The following RIMS1 variants were observed in gnomAD, a reference collection of about 807,000 sequenced individuals.
RIMS1 encodes the protein regulating synaptic membrane exocytosis 1, also known as regulating synaptic membrane exocytosis protein 1.
A neutral mutation model predicts 214.1 loss-of-function variants in RIMS1; 83 were observed. The observed-to-expected ratio is 0.39, with a 90% CI of 0.32 to 0.47. The LOEUF is 0.47. Among genes scored for constraint, RIMS1 ranks in the 20% least tolerant of loss-of-function variants. The pLI is 0.99. For synonymous variants in RIMS1, 793 were observed against 786.8 expected (o/e 1.01, Z -0.13); for missense variants, 2,050 against 2,161.8 (o/e 0.95, Z 1.03).
chr6:72,185,382 C>T (rs975727325), intron 6 of RIMS1, among the ~76,000 whole-genome samples: 9 of 152,030 alleles, frequency 5.9e-5, no homozygotes, highest in African/African-American at 2.2e-4. Flanking sequence ...TGCATGACTT[C>T]ACTGGCAAAT....
At chr6:72,201,669 T>C (rs2052005377) in intron 6 of RIMS1, among the ~76,000 whole-genome samples, 1 of 152,212 alleles carries the variant, frequency 6.6e-6, no homozygotes, top group Non-Finnish European at 1.5e-5. Context: ...TTGAAACTCA[T>C]CTTGTACCCT....
intron 27 of RIMS1, among the ~76,000 whole-genome samples, chr6:72,309,501 T>C (rs1033371442): frequency 1.3e-5 from 2 of 152,102 alleles, no homozygotes; most frequent in Admixed American, 6.6e-5. Flanking sequence ...ACTTACATCA[T>C]TGAAATGAAC....
chr6:71,952,854 A>G (rs1790052158), intron 1 of RIMS1, among the ~76,000 whole-genome samples: 1 of 152,032 alleles, frequency 6.6e-6, no homozygotes, highest in East Asian at 1.9e-4. Context: ...GAAGTCACCT[A>G]TGCTAGGCTT....
At chr6:72,334,003 CT>C (rs1194544597) in intron 29 of RIMS1, among the ~76,000 whole-genome samples, 168 bp downstream of exon 29, 9 of 151,636 alleles carry the variant, frequency 5.9e-5, no homozygotes, top group Non-Finnish European at 1.5e-5. Flanking sequence ...TTTATTTTTT[CT>C]GTACAGCTCT....
At chr6:72,100,168 AATAG>A (rs761316709) in intron 4 of RIMS1, among the ~76,000 whole-genome samples, 182 bp downstream of exon 4, 1 of 152,096 alleles carries the variant, frequency 6.6e-6, no homozygotes, top group East Asian at 1.9e-4. Flanking sequence ...GTTTGATATT[AATAG>A]ATAAAGTCTG....
At chr6:72,122,272 T>C (rs2038539698) in intron 4 of RIMS1, among the ~76,000 whole-genome samples, 1 of 149,888 alleles carries the variant, frequency 6.7e-6, no homozygotes, top group South Asian at 2.1e-4. Flanking sequence ...TGGCGCTATC[T>C]TGGCTCACTG....
At chr6:72,058,439 C>G (rs1826945091) in intron 2 of RIMS1, among the ~76,000 whole-genome samples, 1 of 152,166 alleles carries the variant, frequency 6.6e-6, no homozygotes, top group Admixed American at 6.5e-5. Context: ...AATGGTCTAC[C>G]CATCTTCATT....
At chr6:72,186,609 A>G (rs2049132071) in intron 6 of RIMS1, among the ~76,000 whole-genome samples, 1 of 152,162 alleles carries the variant, frequency 6.6e-6, no homozygotes, top group Admixed American at 6.5e-5. Context: ...TCCTTGTAGA[A>G]GTGTTGGAGC....
intron 24 of RIMS1, among the ~76,000 whole-genome samples, chr6:72,287,587 C>T (rs2092575304): frequency 6.6e-6 from 1 of 151,562 alleles, no homozygotes; most frequent in Middle Eastern, 3.4e-3. Flanking sequence ...TAAACTTTTG[C>T]TCTGCAAACT....
intron 4 of RIMS1, among the ~76,000 whole-genome samples, chr6:72,112,344 A>C (rs1237439932): frequency 1.3e-5 from 2 of 151,992 alleles, no homozygotes; most frequent in African/African-American, 4.8e-5. Flanking sequence ...CCCAAAGACA[A>C]ATCTGAGCAA....
chr6:72,364,123 C>T (rs1434016477), intron 29 of RIMS1, among the ~76,000 whole-genome samples: 1 of 152,206 alleles, frequency 6.6e-6, no homozygotes, highest in Non-Finnish European at 1.5e-5. Flanking sequence ...CTCTCTTTTA[C>T]TTCTATTAAA....
intron 2 of RIMS1, among the ~76,000 whole-genome samples, chr6:72,074,198 C>T (rs1164695316): frequency 6.6e-6 from 1 of 152,126 alleles, no homozygotes; most frequent in Non-Finnish European, 1.5e-5. Context: ...AGTTTTCTAA[C>T]TAGATATGCT....
rs1227970778 is a variant in RIMS1 at position 72,182,762 on chromosome 6, G to A, written c.1291G>A (p.Glu431Lys). ...GGACTCGCCGCGGGCTTACTCGGCTGAGAGAACTGCGGAGACCAGGGCGCC... is the reference window on the plus strand; with the variant it reads ...GGACTCGCCGCGGGCTTACTCGGCTAAGAGAACTGCGGAGACCAGGGCGCC... The part of the protein sequence containing the change: ...PPDSPRAYSA[E>K]RTAETRAPGA... Residue 431 changes from glutamate to lysine, a missense_variant, in exon 6 of 34, where the codon GAG becomes AAG. Glu to Lys is a moderately conservative substitution (Grantham distance 56). This residue lies in a region of RIMS1 where 882 missense variants were observed against 828.9 expected (regional missense o/e 1.06). Coordinates refer to ENST00000521978, the MANE Select transcript of RIMS1 (RefSeq NM_014989.7). 6.5e-7 allele frequency: 1 copy of A among 1,544,308 alleles called. No homozygotes were observed. The highest frequency in any genetic ancestry group is 2.4e-5 in the East Asian group (1 of 41,048).
chr6:72,133,482 T>A (rs2040786187), intron 4 of RIMS1, among the ~76,000 whole-genome samples: 1 of 152,214 alleles, frequency 6.6e-6, no homozygotes, highest in Admixed American at 6.5e-5. Flanking sequence ...GGATCTGACA[T>A]GCACAGTGCA....
chr6:72,391,949 G>A (rs2098709779), intron 30 of RIMS1, among the ~76,000 whole-genome samples: 1 of 152,166 alleles, frequency 6.6e-6, no homozygotes, highest in South Asian at 2.1e-4. Flanking sequence ...ATTATAATCT[G>A]TGTCCCATTT....
intron 2 of RIMS1, among the ~76,000 whole-genome samples, chr6:72,075,655 A>G (rs1371342221): frequency 6.6e-6 from 1 of 152,204 alleles, no homozygotes; most frequent in African/African-American, 2.4e-5. Context: ...AGATGAAAAC[A>G]GAATGCTCAC....
In RIMS1 at chr6:72,390,691, G is replaced by A. The variant is rs1195456228; in HGVS notation, c.4460G>A (p.Arg1487Gln). The A allele has an allele frequency of 6.2e-6, 10 of 1,613,942 alleles. No homozygotes were observed. The highest frequency in any genetic ancestry group is 2.2e-5 in the East Asian group (1 of 44,880). The change falls in exon 30 of 34, where the codon CGA (arginine) becomes CAA (glutamine). Residue 1487 changes from arginine (R) to glutamine (Q), a missense_variant. Coordinates refer to ENST00000521978, the MANE Select transcript of RIMS1 (RefSeq NM_014989.7). The stretch of plus-strand genomic sequence containing the variant: ...AGAAAGATGGTAAGGCAGCCGAGCC[G>A]AGAGTCTACTGATGGCAGCATCAAC... The part of the protein sequence containing the change: ...EMRKMVRQPS[R>Q]ESTDGSINSY...
intron 3 of RIMS1, among the ~76,000 whole-genome samples, chr6:72,099,106 G>A (rs1224522664): frequency 6.6e-6 from 1 of 152,230 alleles, no homozygotes; most frequent in Admixed American, 6.5e-5. Flanking sequence ...CTGAGTGCTA[G>A]TGCTTGCTAA....
chr6:72,386,616 C>T (rs990185115), intron 29 of RIMS1, among the ~76,000 whole-genome samples: 2 of 152,058 alleles, frequency 1.3e-5, no homozygotes, highest in Admixed American at 1.3e-4. Flanking sequence ...CTTAATCAGA[C>T]CCTGGCTCCT....
Sources: allele counts gnomAD v4.1 joint callset (sites outside exome capture counted in the v4.1 genomes callset), GRCh38; gene constraint gnomAD v4.1.1; regional missense constraint gnomAD v4.1.1; transcripts MANE v1.5; gene names NCBI Gene and HGNC (gene_info 2026-07-23, HGNC 2026-07-21).